The following FIGN variants were observed in gnomAD, a reference collection of about 807,000 sequenced individuals.
FIGN encodes fidgetin, microtubule severing factor.
In FIGN, 11 loss-of-function variants were observed where a neutral mutation model predicts 51.3. That is an observed-to-expected ratio of 0.21 (90% CI 0.13 to 0.35). The LOEUF (loss-of-function observed/expected upper bound fraction) is 0.35, where lower values mean the gene tolerates loss of function less well. Ranked by LOEUF, FIGN falls within the 10% of genes least tolerant of loss-of-function variation. The pLI, the probability that FIGN is intolerant of heterozygous loss-of-function variation, is 1.00. For missense variants in FIGN, 857 were observed against 943.6 expected (o/e 0.91, Z 1.20); for synonymous variants, 407 against 363.2 (o/e 1.12, Z -1.37).
chr2:163,695,285 A>G (rs1284840286), intron 2 of FIGN, among the ~76,000 whole-genome samples: 1 of 151,816 alleles, frequency 6.6e-6, no homozygotes, highest in Admixed American at 6.6e-5. Context: ...CCACTACTTA[A>G]TCCCCCACCC....
At chr2:163,700,546 C>T (rs1684392929) in intron 2 of FIGN, among the ~76,000 whole-genome samples, 1 of 152,190 alleles carries the variant, frequency 6.6e-6, no homozygotes, top group Admixed American at 6.6e-5. Flanking sequence ...ATCCAGAATT[C>T]AGAGGCTAGG....
chr2:163,709,007 T>C (rs2105355388), intron 2 of FIGN, among the ~76,000 whole-genome samples: 1 of 151,532 alleles, frequency 6.6e-6, no homozygotes, highest in African/African-American at 2.4e-5. Context: ...TCCTGAAGAG[T>C]CTAAGGTACC....
intron 2 of FIGN, among the ~76,000 whole-genome samples, chr2:163,673,900 T>A (rs1157295551): frequency 6.6e-6 from 1 of 152,184 alleles, no homozygotes; most frequent in Admixed American, 6.5e-5. Context: ...TTTCCTCACC[T>A]CTTAAAATGA....
chr2:163,712,200 T>C (rs1052882011), intron 2 of FIGN, among the ~76,000 whole-genome samples: 3 of 152,214 alleles, frequency 2.0e-5, no homozygotes, highest in Non-Finnish European at 2.9e-5. Context: ...CAATAACTGC[T>C]CACTGAATTA....
At chr2:163,654,865 G>T (rs1044289881) in intron 2 of FIGN, among the ~76,000 whole-genome samples, 1 of 152,008 alleles carries the variant, frequency 6.6e-6, no homozygotes, top group Non-Finnish European at 1.5e-5. Flanking sequence ...TTTAAAAAAA[G>T]AAGTTGTAAA....
At chr2:163,653,639 G>A (rs1683512136) in intron 2 of FIGN, among the ~76,000 whole-genome samples, 1 of 151,972 alleles carries the variant, frequency 6.6e-6, no homozygotes, top group Non-Finnish European at 1.5e-5. Flanking sequence ...TAATGCTAAT[G>A]TTTTATATCA....
At chr2:163,728,068 C>G (rs879025942) in intron 2 of FIGN, among the ~76,000 whole-genome samples, 1 of 152,078 alleles carries the variant, frequency 6.6e-6, no homozygotes, top group Admixed American at 6.6e-5. Flanking sequence ...GTTACTTTTC[C>G]TCTTTAACAC....
intron 2 of FIGN, among the ~76,000 whole-genome samples, chr2:163,719,379 T>C (rs896878681): frequency 6.6e-6 from 1 of 152,032 alleles, no homozygotes; most frequent in Non-Finnish European, 1.5e-5. Flanking sequence ...ACATAAGCAA[T>C]ACATACACAG....
At chr2:163,671,328 G>C (rs887273001) in intron 2 of FIGN, among the ~76,000 whole-genome samples, 1 of 152,140 alleles carries the variant, frequency 6.6e-6, no homozygotes, top group Non-Finnish European at 1.5e-5. Context: ...TAACCATTTA[G>C]GGAAGTTGAA....
chr2:163,659,245 G>T (rs921216450), intron 2 of FIGN, among the ~76,000 whole-genome samples: 1 of 152,096 alleles, frequency 6.6e-6, no homozygotes, highest in African/African-American at 2.4e-5. Context: ...AAACCGAGAA[G>T]AAATATTTTC....
At chr2:163,663,045 C>T (rs1015893387) in intron 2 of FIGN, among the ~76,000 whole-genome samples, 1 of 152,080 alleles carries the variant, frequency 6.6e-6, no homozygotes, top group Non-Finnish European at 1.5e-5. Context: ...TGAAAACGAA[C>T]TAATACAACG....
intron 2 of FIGN, among the ~76,000 whole-genome samples, chr2:163,683,150 C>A (rs963806334): frequency 6.6e-6 from 1 of 152,106 alleles, no homozygotes; most frequent in Non-Finnish European, 1.5e-5. Flanking sequence ...TCCTCCCCAG[C>A]CCATGCCTCA....
At chr2:163,673,663 A>G (rs1036799524) in intron 2 of FIGN, among the ~76,000 whole-genome samples, 1 of 152,142 alleles carries the variant, frequency 6.6e-6, no homozygotes, top group Admixed American at 6.6e-5. Flanking sequence ...GCTCAGATGG[A>G]TTAAAACTAT....
At chr2:163,735,145 A>AG in intron 1 of FIGN, 73 bp from the exon 2 acceptor site, 1 of 536,000 alleles carries the variant, frequency 1.9e-6, no homozygotes, top group Non-Finnish European at 3.3e-6. Context: ...GAAGAAAGAA[A>AG]GGAAAAAAAG....
intron 2 of FIGN, among the ~76,000 whole-genome samples, chr2:163,686,885 G>T (rs1463908494): frequency 2.0e-5 from 3 of 151,618 alleles, no homozygotes; most frequent in Non-Finnish European, 4.4e-5. Flanking sequence ...CACTTTCCAA[G>T]CAGGAGGCCA....
intron 2 of FIGN, among the ~76,000 whole-genome samples, chr2:163,699,557 G>T (rs1684375768): frequency 6.6e-6 from 1 of 151,996 alleles, no homozygotes; most frequent in Non-Finnish European, 1.5e-5. Flanking sequence ...TTTACATTTA[G>T]AACATCTTTC....
chr2:163,694,804 A>G (rs186019677), intron 2 of FIGN, among the ~76,000 whole-genome samples: 32 of 152,194 alleles, frequency 2.1e-4, no homozygotes, highest in Admixed American at 1.8e-3. Flanking sequence ...ATCATCTTAC[A>G]GTCCTTCTTT....
At chr2:163,635,138 A>G (rs1683206361) in intron 2 of FIGN, among the ~76,000 whole-genome samples, 1 of 152,220 alleles carries the variant, frequency 6.6e-6, no homozygotes, top group Non-Finnish European at 1.5e-5. Flanking sequence ...GATAATTATA[A>G]TATTAATTGA....
intron 2 of FIGN, among the ~76,000 whole-genome samples, chr2:163,733,962 A>G (rs954680803): frequency 7.3e-6 from 1 of 136,442 alleles, no homozygotes; most frequent in South Asian, 2.4e-4. Context: ...AAAAAAAAAA[A>G]CAGTCTAAAG....
Sources: gnomAD v4.1 joint callset for allele counts (sites outside exome capture counted in the v4.1 genomes callset) on GRCh38, gnomAD v4.1.1 for gene constraint, MANE v1.5 for transcripts, NCBI Gene and HGNC (gene_info 2026-07-23, HGNC 2026-07-21) for gene names.